WDFY2: variants seen among roughly 807,000 people sequenced by gnomAD.
WDFY2 encodes WD repeat and FYVE domain containing 2.
A neutral mutation model predicts 56.4 loss-of-function variants in WDFY2; 36 were observed. The observed-to-expected ratio is 0.64, with a 90% CI of 0.49 to 0.84. The LOEUF is 0.84. Ranked by LOEUF, WDFY2 falls within the 40% of genes least tolerant of loss-of-function variation. The pLI is 0.00. For missense variants in WDFY2, 444 were observed against 512.2 expected (o/e 0.87, Z 1.29); for synonymous variants, 176 against 183.7 (o/e 0.96, Z 0.34).
chr13:51,632,688 G>T (rs1954974707), intron 1 of WDFY2, among the ~76,000 whole-genome samples: 1 of 152,166 alleles, frequency 6.6e-6, no homozygotes, highest in African/African-American at 2.4e-5. Flanking sequence ...AGATAAAAAA[G>T]TTTAAATCTC....
At chr13:51,610,240 G>GTTT (rs375729454) in intron 1 of WDFY2, among the ~76,000 whole-genome samples, 11 of 106,876 alleles carry the variant, frequency 1.0e-4, no homozygotes, top group Non-Finnish European at 1.7e-4. Context: ...TTATTTGACT[G>GTTT]TTTTTTTTTT....
At chr13:51,662,852 G>T (rs776441316) in intron 2 of WDFY2, among the ~76,000 whole-genome samples, 1 of 152,076 alleles carries the variant, frequency 6.6e-6, no homozygotes, top group African/African-American at 2.4e-5. Flanking sequence ...CTTTGCCTTC[G>T]GTGTTCTACT....
In WDFY2 at chr13:51,750,115, T is replaced by C. The variant is rs191703794; in HGVS notation, c.726-1195T>C. ...TGAAACTTAATTTTATGAACTTGGA[T>C]TCTTAAAATATTACTGAATTGGCTA... On this transcript the variant is annotated intron_variant, in intron 7 of 11. Coordinates refer to ENST00000298125, the MANE Select transcript of WDFY2 (RefSeq NM_052950.4). 2.4e-3 allele frequency among the ~76,000 whole-genome samples: 368 copies of C among 152,324 alleles called. 1 individual carries two copies. The highest frequency in any genetic ancestry group is 8.4e-3 in the African/African-American group (351 of 41,568).
chr13:51,691,870 C>T (rs1295722556), intron 3 of WDFY2, among the ~76,000 whole-genome samples: 10 of 151,800 alleles, frequency 6.6e-5, no homozygotes, highest in African/African-American at 1.2e-4. Context: ...TCTTTTATTT[C>T]GTTGAGCAGT....
At chr13:51,632,822 T>C (rs1954977068) in intron 1 of WDFY2, among the ~76,000 whole-genome samples, 1 of 152,268 alleles carries the variant, frequency 6.6e-6, no homozygotes, top group South Asian at 2.1e-4. Flanking sequence ...GTCTTTCCCC[T>C]GTCTAGTTTG....
chr13:51,758,369 C>G, intron 11 of WDFY2, 69 bp downstream of exon 11: 2 of 1,174,628 alleles, frequency 1.7e-6, no homozygotes, highest in Non-Finnish European at 2.5e-6. Context: ...GCACCAAGAA[C>G]ATGGGAGGCA....
chr13:51,616,597 A>G (rs1487057761), intron 1 of WDFY2, among the ~76,000 whole-genome samples: 1 of 152,102 alleles, frequency 6.6e-6, no homozygotes, highest in Non-Finnish European at 1.5e-5. Flanking sequence ...GAGCATTTCC[A>G]CTCACCATGA....
At chr13:51,681,890 T>C (rs1047883628) in intron 3 of WDFY2, among the ~76,000 whole-genome samples, 2 of 152,122 alleles carry the variant, frequency 1.3e-5, no homozygotes, top group Non-Finnish European at 2.9e-5. Flanking sequence ...AAACTAACCT[T>C]CTCCCTCAGT....
intron 2 of WDFY2, among the ~76,000 whole-genome samples, chr13:51,671,989 G>A (rs1261707761): frequency 2.0e-5 from 3 of 151,930 alleles, no homozygotes; most frequent in Non-Finnish European, 2.9e-5. Context: ...TCGCCATGTT[G>A]GCCAGGCTGG....
In WDFY2 at chr13:51,719,359, C is replaced by G; in HGVS notation, c.485+11C>G. The G allele has an allele frequency of 6.5e-7, 1 of 1,543,958 alleles. No individual in the cohort carries two copies. ...GGCCTCAGGCCTGCAGTATCCTTTGCTGGACAAAAATCTCTTAGTGGGAAC... is the reference window on the plus strand; with the variant it reads ...GGCCTCAGGCCTGCAGTATCCTTTGGTGGACAAAAATCTCTTAGTGGGAAC... On this transcript the variant is annotated intron_variant, in intron 5 of 11. Transcript: ENST00000298125.
chr13:51,651,435 A>G (rs1386152811), intron 1 of WDFY2, among the ~76,000 whole-genome samples: 1 of 151,962 alleles, frequency 6.6e-6, no homozygotes, highest in African/African-American at 2.4e-5. Flanking sequence ...CTCTGATCTT[A>G]GTTATTTCTT....
rs992260806 is a variant in WDFY2 at position 51,665,132 on chromosome 13, C to T, written c.205+4469C>T. Among the ~76,000 whole-genome samples the T allele has an allele frequency of 4.6e-5, 7 of 152,168 alleles. No homozygotes were observed. In the East Asian group the frequency reaches 1.3e-3, roughly 29 times the overall value. ...GCCTAAGGAAAGTTCATTTTAAACC[C>T]TACTCTCTATAGAGAATTTGGGGAT... On this transcript the variant is annotated intron_variant, in intron 2 of 11. Coordinates refer to ENST00000298125, the MANE Select transcript of WDFY2 (RefSeq NM_052950.4).
chr13:51,693,879 C>T (rs987003989), intron 3 of WDFY2, among the ~76,000 whole-genome samples: 2 of 151,970 alleles, frequency 1.3e-5, no homozygotes, highest in Non-Finnish European at 2.9e-5. Context: ...GTATTGGGTG[C>T]ATATATATTT....
rs1013290533 is a variant in WDFY2, at chr13:51,690,914, A to T, written c.280-12682A>T. ...TAACTGGTGTGAGATGGTATCTCAT[A>T]GTGGTTTTGATTTGCATTTCTCTGA... is the stretch of plus-strand genomic sequence containing the variant. On this transcript the variant is annotated intron_variant, in intron 3 of 11. Transcript: ENST00000298125. Among the ~76,000 whole-genome samples the T allele has an allele frequency of 4.7e-3, 721 of 152,034 alleles. 5 individuals carry two copies. The highest frequency in any genetic ancestry group is 0.014 in the African/African-American group (565 of 41,462).
At chr13:51,668,230 C>T (rs1955747898) in intron 2 of WDFY2, among the ~76,000 whole-genome samples, 1 of 152,094 alleles carries the variant, frequency 6.6e-6, no homozygotes, top group African/African-American at 2.4e-5. Flanking sequence ...CCAAACTAAA[C>T]ATGCTAGAAA....
intron 1 of WDFY2, among the ~76,000 whole-genome samples, chr13:51,656,341 A>G (rs1448090776): frequency 1.3e-5 from 2 of 151,890 alleles, no homozygotes; most frequent in African/African-American, 2.4e-5. Flanking sequence ...TTATTCCTTT[A>G]TACGTGGAGA....
intron 1 of WDFY2, among the ~76,000 whole-genome samples, chr13:51,612,859 T>C (rs944328613): frequency 6.6e-6 from 1 of 152,248 alleles, no homozygotes; most frequent in African/African-American, 2.4e-5. Flanking sequence ...GCATGTGGTA[T>C]ATTTCTTCTT....
chr13:51,734,258 G>A (rs1054214412), intron 6 of WDFY2, among the ~76,000 whole-genome samples: 2 of 151,948 alleles, frequency 1.3e-5, no homozygotes, highest in African/African-American at 4.8e-5. Flanking sequence ...TAAGCATTTT[G>A]GTAATATATA....
intron 2 of WDFY2, among the ~76,000 whole-genome samples, chr13:51,668,925 G>T (rs577377135): frequency 3.3e-5 from 5 of 152,290 alleles, no homozygotes; most frequent in Admixed American, 2.6e-4. Context: ...TAAAATGAAA[G>T]AATTATTGGT....
Sources: gnomAD v4.1 joint callset for allele counts (sites outside exome capture counted in the v4.1 genomes callset) on GRCh38, gnomAD v4.1.1 for gene constraint, MANE v1.5 for transcripts, NCBI Gene and HGNC (gene_info 2026-07-23, HGNC 2026-07-21) for gene names.